Variants in CACNA1D observed in about 807,000 individuals in gnomAD.
CACNA1D encodes the protein calcium voltage-gated channel subunit alpha1 D.
Under a neutral mutation model 257.1 loss-of-function variants are expected in CACNA1D, and 55 were observed. The observed-to-expected ratio is 0.21, with a 90% CI of 0.17 to 0.27. The LOEUF is 0.27. Among genes scored for constraint, CACNA1D ranks in the 10% least tolerant of loss-of-function variants. The pLI is 1.00. For missense variants in CACNA1D, 1,876 were observed against 2,784.0 expected, an observed-to-expected ratio of 0.67 and a Z score of 7.34; for synonymous variants, 980 against 1,014.9, an observed-to-expected ratio of 0.97 and a Z score of 0.65.
intron 45 of CACNA1D, 104 bp from the exon 46 acceptor site, chr3:53,808,545 T>C (rs2095579056): frequency 7.2e-7 from 1 of 1,396,598 alleles, no homozygotes. Flanking sequence ...CGCATGCTTC[T>C]TCCTGGGCTC....
At chr3:53,732,354 A>G (rs1013738437) in intron 18 of CACNA1D, among the ~76,000 whole-genome samples, 5 of 152,198 alleles carry the variant, frequency 3.3e-5, no homozygotes, top group African/African-American at 1.2e-4. Flanking sequence ...CCCCGGTGTT[A>G]GCGCTCACCT....
chr3:53,736,418 T>C (rs2095058200), intron 20 of CACNA1D, among the ~76,000 whole-genome samples: 3 of 152,232 alleles, frequency 2.0e-5, no homozygotes, highest in African/African-American at 7.2e-5. Context: ...TATGTGATTA[T>C]GTTATATATT....
intron 8 of CACNA1D, among the ~76,000 whole-genome samples, chr3:53,676,585 A>G (rs1411821268): frequency 6.6e-6 from 1 of 152,216 alleles, no homozygotes; most frequent in Admixed American, 6.5e-5. Flanking sequence ...TTGCCTTCTC[A>G]CGAGGAAATG....
At chr3:53,762,322 C>G (rs1206177642) in intron 30 of CACNA1D, among the ~76,000 whole-genome samples, 1 of 152,242 alleles carries the variant, frequency 6.6e-6, no homozygotes, top group Non-Finnish European at 1.5e-5. Flanking sequence ...AGCATTTACC[C>G]TGGTCACTAG....
chr3:53,789,350 CA>C lies in CACNA1D; in HGVS notation c.4923+2399del, dbSNP rs1484337705. Among the ~76,000 whole-genome samples, 1 of 152,128 alleles carries C rather than the reference CA, an allele frequency of 6.6e-6. No individual in the cohort carries two copies. Among genetic ancestry groups the C allele is most frequent in the East Asian group, 1.9e-4 (1 of 5,204 alleles). On this transcript the variant is annotated intron_variant, in intron 40 of 47. Coordinates refer to ENST00000350061, the MANE Select transcript of CACNA1D (RefSeq NM_001128840.3). The surrounding 1 kb of genome is among the most constrained non-coding windows in gnomAD (Gnocchi z 4.2). ...TTGATTCTGAAACATTAAACATAGA[CA>C]TTTTTTTTGTCTCCTTGAAGGATAA...
At chr3:53,564,692 A>G (rs2092802778) in intron 3 of CACNA1D, among the ~76,000 whole-genome samples, 1 of 152,110 alleles carries the variant, frequency 6.6e-6, no homozygotes, top group Non-Finnish European at 1.5e-5. Context: ...CACCTTTCTA[A>G]GCACCTTATA....
chr3:53,673,809 C>G lies in CACNA1D; in HGVS notation c.1220+683C>G. 4 of 1,609,076 alleles carry G rather than the reference C, an allele frequency of 2.5e-6. No homozygotes were observed. Among genetic ancestry groups the G allele is most frequent in the Non-Finnish European group, 3.4e-6 (4 of 1,175,392 alleles). ...CGTCCTTAACCTGGTTCTTGGTGTC[C>G]TTAGTGGGTAAGCAGTCGGATCCGT... On this transcript the variant is annotated intron_variant, in intron 8 of 47. Transcript: ENST00000350061. The surrounding 1 kb of genome is among the most constrained non-coding windows in gnomAD (Gnocchi z 4.1).
rs2094341439 is a variant in CACNA1D at position 53,673,098 on chromosome 3, C to T, written c.1192C>T (p.Leu398=). The T allele has an allele frequency of 6.4e-7, 1 of 1,551,864 alleles. No homozygotes were observed. Among genetic ancestry groups the T allele is most frequent in the Non-Finnish European group, 8.7e-7 (1 of 1,146,838 alleles). The change falls in exon 8 of 48, where the codon CTA becomes TTA. Residue 398 remains leucine (L), a synonymous_variant. Coordinates refer to ENST00000350061, the MANE Select transcript of CACNA1D (RefSeq NM_001128840.3). The surrounding 1 kb of genome is among the most constrained non-coding windows in gnomAD (Gnocchi z 4.1). ...SLVIFGSFFV[L]NLVLGVLSGE... is the part of the protein sequence containing the mutation. ...CGTCATCTTTGGGTCATTTTTCGTA[C>T]TAAATCTTGTACTTGGTGTATTGAG... is the stretch of plus-strand genomic sequence containing the variant.
At chr3:53,641,922 C>T (rs766818891) in intron 3 of CACNA1D, among the ~76,000 whole-genome samples, 1 of 152,172 alleles carries the variant, frequency 6.6e-6, no homozygotes, top group Non-Finnish European at 1.5e-5. Flanking sequence ...ACTGAAGATT[C>T]TCTCTCTCAG....
At chr3:53,799,935 G>A (rs796649554) in intron 40 of CACNA1D, 7 of 414,888 alleles carry the variant, frequency 1.7e-5, no homozygotes, top group African/African-American at 1.4e-4. Flanking sequence ...CACTGAGACA[G>A]GGGCATAAGC....
At chr3:53,595,181 TTGTATC>T (rs2093355024) in intron 3 of CACNA1D, among the ~76,000 whole-genome samples, 1 of 152,212 alleles carries the variant, frequency 6.6e-6, no homozygotes, top group Non-Finnish European at 1.5e-5. Context: ...AGTATAATCT[TTGTATC>T]TGTAGTCCCC....
At chr3:53,645,715 A>G (rs897738066) in intron 3 of CACNA1D, among the ~76,000 whole-genome samples, 5 of 152,226 alleles carry the variant, frequency 3.3e-5, no homozygotes, top group Admixed American at 6.5e-5. Context: ...GTGGAAAAGT[A>G]TAATGGGCTT....
chr3:53,752,365 G>T (rs1327727012), intron 28 of CACNA1D, among the ~76,000 whole-genome samples: 2 of 152,168 alleles, frequency 1.3e-5, no homozygotes, highest in African/African-American at 4.8e-5. Context: ...TAAGGTTTAT[G>T]CTGTAGATAA....
chr3:53,549,413 CT>C (rs1390478319), intron 3 of CACNA1D, among the ~76,000 whole-genome samples: 1 of 152,180 alleles, frequency 6.6e-6, no homozygotes, highest in African/African-American at 2.4e-5. Flanking sequence ...TAGACTTGGG[CT>C]CTATTTTTGC....
chr3:53,502,490 G>C (rs1321918030), intron 3 of CACNA1D, among the ~76,000 whole-genome samples: 1 of 148,056 alleles, frequency 6.8e-6, no homozygotes, highest in Non-Finnish European at 1.5e-5. Context: ...TTTGGCAAAA[G>C]ACTTTAACAT....
At chr3:53,503,975 G>A (rs115048423) in intron 3 of CACNA1D, among the ~76,000 whole-genome samples, 20 of 151,784 alleles carry the variant, frequency 1.3e-4, no homozygotes, top group Non-Finnish European at 2.4e-4. Flanking sequence ...TGTGGGAAGG[G>A]AAGATCTTTG....
At position 53,810,296 on chromosome 3, in the gene CACNA1D, G is replaced by T; in HGVS notation, c.6190G>T (p.Ala2064Ser). The T allele has an allele frequency of 6.2e-7, 1 of 1,613,550 alleles. No individual in the cohort carries two copies. Among genetic ancestry groups the T allele is most frequent in the Non-Finnish European group, 8.5e-7 (1 of 1,179,982 alleles). The change falls in exon 47 of 48, where the codon GCA (alanine) becomes TCA (serine). Residue 2064 changes from alanine to serine, a missense_variant and splice_region_variant. By Grantham distance (99) the Ala-to-Ser change is moderately conservative (BLOSUM62 1). Transcript: ENST00000350061. ...GAGGAGTGCGGACAGCTTGGTGGAG[G>T]CAGTGAGTACGGTTCTTGGCCGTGG... ...KQRSADSLVE[A>S]VLISEGLGRY...
intron 3 of CACNA1D, among the ~76,000 whole-genome samples, chr3:53,505,419 T>C (rs537805117): frequency 1.3e-5 from 2 of 152,270 alleles, no homozygotes; most frequent in South Asian, 2.1e-4. Context: ...TATATGCACA[T>C]CTTTATCCTC....
intron 3 of CACNA1D, among the ~76,000 whole-genome samples, chr3:53,517,194 TCTAATCCCTCA>T (rs2091371799): frequency 6.6e-6 from 1 of 150,586 alleles, no homozygotes; most frequent in Non-Finnish European, 1.5e-5. Flanking sequence ...CATCTTGCCT[TCTAATCCCTCA>T]CTGCAAGGCC....
Sources: allele counts gnomAD v4.1 joint callset (sites outside exome capture counted in the v4.1 genomes callset), GRCh38; gene constraint gnomAD v4.1.1; non-coding constraint Gnocchi (gnomAD v3.1); transcripts MANE v1.5; gene names NCBI Gene and HGNC (gene_info 2026-07-23, HGNC 2026-07-21).